The following ACBD6 variants were observed in gnomAD, a reference collection of about 807,000 sequenced individuals.
The protein encoded by ACBD6 is acyl-CoA binding domain containing 6.
ACBD6 carries 28 observed loss-of-function variants against 37.2 expected under a neutral mutation model. The observed-to-expected ratio is 0.75, with a 90% CI of 0.56 to 1.03. The LOEUF (loss-of-function observed/expected upper bound fraction) is 1.03, where lower values mean the gene tolerates loss of function less well. Among genes scored for constraint, ACBD6 ranks in the 50% least tolerant of loss-of-function variants. The pLI is 0.00. For missense variants in ACBD6, 340 were observed against 337.4 expected (o/e 1.01, Z -0.06); for synonymous variants, 113 against 126.8 (o/e 0.89, Z 0.73).
chr1:180,271,656 C>A, exon 14 of ACBD6: 2 of 1,402,062 alleles, frequency 1.4e-6, no homozygotes, highest in South Asian at 1.2e-5. Flanking sequence ...GGGCTTTTGC[C>A]AGAACTGAAG....
chr1:180,305,325 G>T (rs1467307442), intron 7 of ACBD6, among the ~76,000 whole-genome samples: 1 of 152,100 alleles, frequency 6.6e-6, no homozygotes, highest in Non-Finnish European at 1.5e-5. Context: ...CCTACGGAAT[G>T]GGAGAAAATT....
At chr1:180,434,831 G>A (rs1264621503) in intron 3 of ACBD6, 13 of 733,344 alleles carry the variant, frequency 1.8e-5, no homozygotes, top group Non-Finnish European at 3.1e-5. Context: ...GCCAATCTTG[G>A]CAAATCTGCC....
chr1:180,290,478 T>C (rs918583709), intron 7 of ACBD6, among the ~76,000 whole-genome samples: 3 of 152,204 alleles, frequency 2.0e-5, no homozygotes, highest in Non-Finnish European at 4.4e-5. Context: ...CACCCGGCCC[T>C]ATAGCCATTT....
At chr1:180,302,600 C>T (rs1012630491) in intron 7 of ACBD6, among the ~76,000 whole-genome samples, 2 of 152,010 alleles carry the variant, frequency 1.3e-5, no homozygotes, top group African/African-American at 4.8e-5. Flanking sequence ...TATTTTGAGC[C>T]TATGCAAATC....
chr1:180,407,176 T>C (rs1647659209), intron 5 of ACBD6, among the ~76,000 whole-genome samples: 1 of 152,222 alleles, frequency 6.6e-6, no homozygotes, highest in Non-Finnish European at 1.5e-5. Flanking sequence ...CAGCCTGAAT[T>C]GTCATGGCTG....
chr1:180,477,928 G>A (rs368748165), intron 3 of ACBD6, among the ~76,000 whole-genome samples: 1 of 150,630 alleles, frequency 6.6e-6, no homozygotes, highest in Admixed American at 6.7e-5. Flanking sequence ...GATAACTTGA[G>A]CCCAGGAGTT....
intron 3 of ACBD6, among the ~76,000 whole-genome samples, chr1:180,463,103 T>A (rs1260521099): frequency 6.6e-6 from 1 of 152,100 alleles, no homozygotes; most frequent in African/African-American, 2.4e-5. Context: ...TTTATAGCAC[T>A]AAAATGCCCA....
chr1:180,486,505 C>T (rs180852372), intron 3 of ACBD6, among the ~76,000 whole-genome samples: 15 of 151,854 alleles, frequency 9.9e-5, no homozygotes, highest in African/African-American at 3.4e-4. Flanking sequence ...TTCTTGACAA[C>T]GAATAAATAA....
chr1:180,342,910 T>C (rs946416780), intron 6 of ACBD6, among the ~76,000 whole-genome samples: 6 of 152,018 alleles, frequency 3.9e-5, no homozygotes, highest in Non-Finnish European at 7.4e-5. Flanking sequence ...TTTAAATTGA[T>C]TGAATTTTTT....
chr1:180,478,514 A>G (rs1650890566), intron 3 of ACBD6, among the ~76,000 whole-genome samples: 2 of 148,418 alleles, frequency 1.3e-5, no homozygotes, highest in Non-Finnish European at 3.0e-5. Flanking sequence ...TTTGAGACGG[A>G]GTCATGCTGT....
intron 3 of ACBD6, among the ~76,000 whole-genome samples, chr1:180,446,621 T>TA (rs1328096388): frequency 2.0e-5 from 3 of 152,206 alleles, no homozygotes; most frequent in Non-Finnish European, 4.4e-5. Flanking sequence ...GGTTGCTACT[T>TA]ATAACAGTAA....
At chr1:180,490,409 G>A (rs1315153786) in intron 3 of ACBD6, among the ~76,000 whole-genome samples, 4 of 151,944 alleles carry the variant, frequency 2.6e-5, no homozygotes, top group African/African-American at 9.7e-5. Context: ...TTGGGAGGCC[G>A]AAGCGGGTGG....
chr1:180,443,440 TC>T (rs1481659989), intron 3 of ACBD6, among the ~76,000 whole-genome samples: 5 of 152,138 alleles, frequency 3.3e-5, no homozygotes, highest in Non-Finnish European at 1.5e-5. Flanking sequence ...AAGGGACCCC[TC>T]TGCAGACCTC....
At chr1:180,444,415 C>T (rs983414453) in intron 3 of ACBD6, among the ~76,000 whole-genome samples, 1 of 151,968 alleles carries the variant, frequency 6.6e-6, no homozygotes, top group Non-Finnish European at 1.5e-5. Context: ...AATGCAACTG[C>T]ACAAATACAC....
intron 6 of ACBD6, among the ~76,000 whole-genome samples, chr1:180,352,353 C>T (rs1380505660): frequency 1.3e-5 from 2 of 152,022 alleles, no homozygotes; most frequent in South Asian, 2.1e-4. Context: ...AAGTGATCTT[C>T]CTGCCTTAGG....
intron 5 of ACBD6, among the ~76,000 whole-genome samples, chr1:180,403,760 T>C (rs542828235): frequency 1.5e-4 from 23 of 152,312 alleles, no homozygotes; most frequent in Non-Finnish European, 2.9e-4. Flanking sequence ...GCAAGGAAAC[T>C]GACACATGCT....
intron 3 of ACBD6, among the ~76,000 whole-genome samples, chr1:180,440,637 CCAAG>C (rs1446697945): frequency 6.7e-6 from 1 of 150,244 alleles, no homozygotes; most frequent in Non-Finnish European, 1.5e-5. Flanking sequence ...CTTGAACCCA[CCAAG>C]CAGTCACTCC....
intron 7 of ACBD6, 40 bp from the exon 8 acceptor site, chr1:180,288,557 A>C (rs2254465): frequency 0.95 from 1,502,913 of 1,590,234 alleles, 710,355 homozygotes; most frequent in East Asian, 0.99. Flanking sequence ...AAGTTTACCA[A>C]GAGACAGAGA....
chr1:180,419,968 C>A (rs935812063), intron 4 of ACBD6, among the ~76,000 whole-genome samples: 1 of 152,168 alleles, frequency 6.6e-6, no homozygotes, highest in East Asian at 1.9e-4. Context: ...AATCCTTTCA[C>A]CATTTGCTTA....
Sources: allele counts gnomAD v4.1 joint callset (sites outside exome capture counted in the v4.1 genomes callset), GRCh38; gene constraint gnomAD v4.1.1; transcripts MANE v1.5; gene names NCBI Gene and HGNC (gene_info 2026-07-23, HGNC 2026-07-21).